Variants in XRCC1 observed in about 807,000 individuals in gnomAD.
The protein encoded by XRCC1 is DNA repair protein XRCC1.
XRCC1 carries 52 observed loss-of-function variants against 83.3 expected under a neutral mutation model. The observed-to-expected ratio is 0.62, with a 90% CI of 0.50 to 0.79. The LOEUF (loss-of-function observed/expected upper bound fraction) is 0.79, where lower values mean the gene tolerates loss of function less well. Ranked by LOEUF, XRCC1 falls within the 30% of genes least tolerant of loss-of-function variation. The pLI is 0.00. For missense variants in XRCC1, 793 were observed against 823.5 expected (o/e 0.96, Z 0.45); for synonymous variants, 281 against 312.6 (o/e 0.90, Z 1.07).
At chr19:43,559,320 A>G (rs1299998756) in intron 3 of XRCC1, among the ~76,000 whole-genome samples, 1 of 151,398 alleles carries the variant, frequency 6.6e-6, no homozygotes, top group Non-Finnish European at 1.5e-5. Flanking sequence ...TGTCTCTACT[A>G]AAAATACAAA....
At chr19:43,548,296 G>A (rs1036383060) in intron 10 of XRCC1, among the ~76,000 whole-genome samples, 5 of 152,094 alleles carry the variant, frequency 3.3e-5, no homozygotes, top group South Asian at 2.1e-4. Flanking sequence ...CATTGAGAAC[G>A]GGCCATGATG....
chr19:43,565,886 T>C (rs969641193), intron 2 of XRCC1, among the ~76,000 whole-genome samples: 1 of 150,908 alleles, frequency 6.6e-6, no homozygotes, highest in African/African-American at 2.4e-5. Context: ...TTGCAGTGAG[T>C]TGAGACGAGC....
chr19:43,570,443 A>C (rs1434500074), intron 2 of XRCC1, among the ~76,000 whole-genome samples: 2 of 152,188 alleles, frequency 1.3e-5, no homozygotes, highest in African/African-American at 4.8e-5. Context: ...TAAGATCGAG[A>C]TTTTGCATAA....
At chr19:43,574,269 T>C (rs978153922) in intron 2 of XRCC1, among the ~76,000 whole-genome samples, 3 of 152,058 alleles carry the variant, frequency 2.0e-5, no homozygotes, top group Admixed American at 6.6e-5. Context: ...AGAGATGACA[T>C]CTTACTGTAT....
chr19:43,554,993 C>A, intron 3 of XRCC1, 189 bp from the exon 4 acceptor site: 1 of 500,950 alleles, frequency 2.0e-6, no homozygotes, highest in Non-Finnish European at 3.5e-6. Context: ...ACACAGGCCC[C>A]AGAGGGATCT....
chr19:43,556,502 CA>C lies in XRCC1; in HGVS notation c.256-1699del, dbSNP rs559390935. Among the ~76,000 whole-genome samples the C allele has an allele frequency of 1.2e-3, 189 of 152,272 alleles. 2 individuals carry two copies. The highest frequency in any genetic ancestry group is 6.8e-3 in the Middle Eastern group (2 of 294). On this transcript the variant is annotated intron_variant, in intron 3 of 16. Coordinates refer to ENST00000262887, the MANE Select transcript of XRCC1 (RefSeq NM_006297.3). ...AGTAGCAATTCATGTTAGCAATCTG[CA>C]TTGAAAAACCCAAGCTGAGGCCAGG...
In XRCC1 at chr19:43,553,442, G is replaced by A. The variant is rs762304946; in HGVS notation, c.560C>T (p.Pro187Leu). 4.4e-5 allele frequency: 71 copies of A among 1,614,036 alleles called. No individual in the cohort carries two copies. Among genetic ancestry groups the A allele is most frequent in the South Asian group, 2.7e-4 (25 of 91,084 alleles). Residue 187 changes from proline (P) to leucine (L), a missense_variant, in exon 6 of 17, where the codon CCG becomes CTG. Physicochemically the swap from Pro to Leu is moderately conservative, Grantham distance 98. Transcript: ENST00000262887. ...GATCCGGCTGAAGAAGAGAGCCCCC[G>A]GCCTCAGAGAGTTGGCGCTCTCATC... ...EEDESANSLRPGALFFSRINK... is the reference protein window; with the variant it reads ...EEDESANSLRLGALFFSRINK...
chr19:43,546,500 C>G (rs1972511786), intron 12 of XRCC1, 95 bp downstream of exon 12: 1 of 1,416,862 alleles, frequency 7.1e-7, no homozygotes, highest in East Asian at 2.4e-5. Context: ...CAGGCCCCAG[C>G]CCCTCCTCCC....
chr19:43,554,504 G>A, intron 4 of XRCC1, 142 bp downstream of exon 4: 1 of 1,087,164 alleles, frequency 9.2e-7, no homozygotes, highest in Non-Finnish European at 1.3e-6. Flanking sequence ...CCATTTCAGG[G>A]AACGCAGGGA....
intron 12 of XRCC1, 130 bp downstream of exon 12, chr19:43,546,465 C>A: frequency 9.0e-7 from 1 of 1,114,186 alleles, no homozygotes; most frequent in Non-Finnish European, 1.3e-6. Context: ...GGTCCCCAGG[C>A]TCTCTTCCCT....
At chr19:43,574,615 G>A in intron 2 of XRCC1, 1 of 352,362 alleles carries the variant, frequency 2.8e-6, no homozygotes, top group African/African-American at 2.0e-5. Flanking sequence ...GGCTGCAGGA[G>A]GCAGAGTACG....
At chr19:43,555,919 T>C (rs902901755) in intron 3 of XRCC1, among the ~76,000 whole-genome samples, 25 of 152,190 alleles carry the variant, frequency 1.6e-4, no homozygotes, top group African/African-American at 6.0e-4. Flanking sequence ...AGACAGGGTC[T>C]TTCTCTGTCA....
chr19:43,564,805 A>AAC (rs934052975), intron 2 of XRCC1, among the ~76,000 whole-genome samples: 10 of 151,748 alleles, frequency 6.6e-5, no homozygotes, highest in Admixed American at 2.0e-4. Context: ...ACAAAAAAAA[A>AAC]ACACACAAAT....
At chr19:43,558,421 AC>A (rs1192104455) in intron 3 of XRCC1, among the ~76,000 whole-genome samples, 5 of 152,060 alleles carry the variant, frequency 3.3e-5, no homozygotes, top group Non-Finnish European at 5.9e-5. Context: ...GGATCACCTG[AC>A]CTCAGGAGTT....
At position 43,574,906 on chromosome 19, in the gene XRCC1, T is replaced by A. The variant is rs746035356; in HGVS notation, c.144+4A>T. The A allele has an allele frequency of 6.2e-7, 1 of 1,613,140 alleles. No individual in the cohort carries two copies. Among genetic ancestry groups the A allele is most frequent in the South Asian group, 1.1e-5 (1 of 91,044 alleles). On this transcript the variant is annotated splice_donor_region_variant and intron_variant, in intron 2 of 16. Transcript: ENST00000262887. ...GTGAGGAGGAGGTGGGGTGGCAGGA[T>A]CACCTGTAGGACCACAGAGATGGTC...
intron 2 of XRCC1, among the ~76,000 whole-genome samples, chr19:43,564,306 G>A (rs1298352032): frequency 1.3e-5 from 2 of 152,184 alleles, no homozygotes; most frequent in East Asian, 1.9e-4. Flanking sequence ...TTATTAAGCA[G>A]TAACTCTGGC....
At position 43,545,827 on chromosome 19, in the gene XRCC1, C is replaced by T; in HGVS notation, c.1612G>A (p.Glu538Lys). The change falls in exon 14 of 17, where the codon GAG becomes AAG. Residue 538 changes from glutamate to lysine, a missense_variant. By Grantham distance (56) the Glu-to-Lys change is moderately conservative. Coordinates refer to ENST00000262887, the MANE Select transcript of XRCC1 (RefSeq NM_006297.3). Reference sequence around the variant, plus strand: ...TGGGGGGATTTCCCACCTGGGAGCTCAGGGACTGGCAGATCAGGAGGCTCC... The same window carrying T: ...TGGGGGGATTTCCCACCTGGGAGCTTAGGGACTGGCAGATCAGGAGGCTCC... ...HQEPPDLPVP[E>K]LPDFFQGKHF... 6.2e-7 allele frequency: 1 copy of T among 1,613,766 alleles called. No homozygotes were observed. Among genetic ancestry groups the T allele is most frequent in the African/African-American group, 1.3e-5 (1 of 74,996 alleles).
At chr19:43,548,188 C>T (rs1350773185) in intron 10 of XRCC1, among the ~76,000 whole-genome samples, 24 of 147,984 alleles carry the variant, frequency 1.6e-4, no homozygotes, top group African/African-American at 4.8e-4. Context: ...CCGCCCCGTC[C>T]GGGAGGTGGG....
intron 2 of XRCC1, among the ~76,000 whole-genome samples, chr19:43,570,903 C>T (rs955481920): frequency 3.9e-5 from 6 of 152,198 alleles, no homozygotes; most frequent in African/African-American, 1.4e-4. Context: ...AGTAACCCCA[C>T]AAATTAGTCA....
Sources: allele counts gnomAD v4.1 joint callset (sites outside exome capture counted in the v4.1 genomes callset), GRCh38; gene constraint gnomAD v4.1.1; transcripts MANE v1.5; gene names NCBI Gene and HGNC (gene_info 2026-07-23, HGNC 2026-07-21).